Variants in ZDHHC3 observed in about 807,000 individuals in gnomAD.
The protein encoded by ZDHHC3 is zDHHC palmitoyltransferase 3, also known as palmitoyltransferase ZDHHC3.
In ZDHHC3, 9 loss-of-function variants were observed where a neutral mutation model predicts 30.6. The observed-to-expected ratio is 0.29, with a 90% CI of 0.18 to 0.51. The LOEUF (loss-of-function observed/expected upper bound fraction) is 0.51, where lower values mean the gene tolerates loss of function less well. Among genes scored for constraint, ZDHHC3 ranks in the 20% least tolerant of loss-of-function variants. The pLI, the probability that ZDHHC3 is intolerant of heterozygous loss-of-function variation, is 0.97. For missense variants in ZDHHC3, 246 were observed against 384.2 expected (o/e 0.64, Z 3.01); for synonymous variants, 136 against 140.2 (o/e 0.97, Z 0.21).
chr3:44,948,479 A>G (rs1703145498), intron 2 of ZDHHC3, among the ~76,000 whole-genome samples: 2 of 152,152 alleles, frequency 1.3e-5, no homozygotes, highest in Admixed American at 1.3e-4. Context: ...CTCTCTCCTG[A>G]AGGTCTACAC....
chr3:44,931,379 C>T (rs1025104054), intron 5 of ZDHHC3, among the ~76,000 whole-genome samples: 1 of 152,178 alleles, frequency 6.6e-6, no homozygotes, highest in African/African-American at 2.4e-5. Context: ...CATCATTCCT[C>T]TGTAGGCTGG....
At chr3:44,944,527 C>T (rs995591075) in intron 3 of ZDHHC3, among the ~76,000 whole-genome samples, 2 of 152,196 alleles carry the variant, frequency 1.3e-5, no homozygotes, top group Non-Finnish European at 2.9e-5. Flanking sequence ...CAGTGATCCT[C>T]CTGCCTTGGC....
chr3:44,952,085 T>C (rs1703506265), intron 2 of ZDHHC3, among the ~76,000 whole-genome samples: 1 of 152,170 alleles, frequency 6.6e-6, no homozygotes, highest in Non-Finnish European at 1.5e-5. Context: ...GATCTCTCTA[T>C]TTGGCTGTCC....
intron 5 of ZDHHC3, among the ~76,000 whole-genome samples, chr3:44,931,270 G>C (rs1476172978): frequency 6.6e-6 from 1 of 152,210 alleles, no homozygotes; most frequent in Non-Finnish European, 1.5e-5. Flanking sequence ...GGGGGTGCCT[G>C]CTGGACAAAG....
intron 3 of ZDHHC3, 84 bp from the exon 4 acceptor site, chr3:44,934,068 G>A: frequency 7.7e-7 from 1 of 1,304,972 alleles, no homozygotes; most frequent in Non-Finnish European, 1.1e-6. Context: ...CATGGCTCCT[G>A]CTCCACTCCT....
intron 2 of ZDHHC3, among the ~76,000 whole-genome samples, chr3:44,949,997 A>C (rs925688903): frequency 6.6e-6 from 1 of 152,094 alleles, no homozygotes; most frequent in Admixed American, 6.6e-5. Context: ...CACCATGTCC[A>C]GCTAATTACA....
chr3:44,952,850 G>A (rs1263661708), intron 2 of ZDHHC3, among the ~76,000 whole-genome samples: 2 of 152,198 alleles, frequency 1.3e-5, no homozygotes, highest in Admixed American at 6.5e-5. Context: ...TAGCCTTTGT[G>A]CTACCACAGC....
Position 44,922,917 on chromosome 3 carries a change from C to G in ZDHHC3, c.*3772G>C, listed in dbSNP as rs1026892503. ...ATCTAAGGGCACCTTCTAGGTGGGG[C>G]GCCTTCCCCTCTACTGGCTGGCTCA... is the stretch of plus-strand genomic sequence containing the variant. On this transcript the variant is annotated 3_prime_UTR_variant, in exon 7 of 7. Transcript: ENST00000424952. 4 of 985,166 alleles carry G rather than the reference C, an allele frequency of 4.1e-6. No individual in the cohort carries two copies. The South Asian group carries it at 1.9e-4, about 46-fold the overall frequency. The allele number at this position is 985,166 out of a possible 1,614,324, so 61.0% of individuals were successfully genotyped here. A position where few individuals can be genotyped will look rare whatever the true frequency, so the allele number is the denominator to read the frequency against.
chr3:44,976,078 G>T lies in ZDHHC3; in HGVS notation c.-170C>A. 1 of 428,360 alleles carries T rather than the reference G, an allele frequency of 2.3e-6. No individual in the cohort carries two copies. The highest frequency in any genetic ancestry group is 6.1e-4 in the Middle Eastern group (1 of 1,632). 26.5% of individuals were successfully genotyped at this position (428,360 alleles called of 1,614,324 possible). On this transcript the variant is annotated 5_prime_UTR_variant, in exon 1 of 7. Transcript: ENST00000424952. The stretch of plus-strand genomic sequence containing the variant: ...CGGAACGAGGCGCCGCGGCTCTCTG[G>T]ACTCGGCCAGACACCGGGCGGCGCG...
In ZDHHC3 at chr3:44,923,320, C is replaced by G; in HGVS notation, c.*3369G>C. 1.0e-6 allele frequency: 1 copy of G among 981,476 alleles called. No homozygotes were observed. The highest frequency in any genetic ancestry group is 1.2e-6 in the Non-Finnish European group (1 of 826,410). 60.8% of individuals were successfully genotyped at this position (981,476 alleles called of 1,614,324 possible). ...CTCGATCTCTTGACCTCGTGATCTG[C>G]CCGCCTCGGCCTCCCAAAGTGCTGG... On this transcript the variant is annotated 3_prime_UTR_variant, in exon 7 of 7. Transcript: ENST00000424952.
At chr3:44,952,140 C>T (rs1703513055) in intron 2 of ZDHHC3, among the ~76,000 whole-genome samples, 1 of 152,194 alleles carries the variant, frequency 6.6e-6, no homozygotes, top group Non-Finnish European at 1.5e-5. Flanking sequence ...TGCTTTCTCC[C>T]CAAACTGTTC....
At chr3:44,966,973 C>T (rs1402535538) in intron 1 of ZDHHC3, among the ~76,000 whole-genome samples, 2 of 152,144 alleles carry the variant, frequency 1.3e-5, no homozygotes, top group African/African-American at 4.8e-5. Flanking sequence ...AGTGAGCTGG[C>T]CTGTTTTATA....
chr3:44,963,930 G>A (rs148873320), intron 1 of ZDHHC3, among the ~76,000 whole-genome samples: 3 of 152,190 alleles, frequency 2.0e-5, no homozygotes, highest in Non-Finnish European at 4.4e-5. Flanking sequence ...TGTGCAGGGG[G>A]CTCACACACG....
chr3:44,958,473 C>T (rs1219843210), intron 2 of ZDHHC3: 11 of 894,174 alleles, frequency 1.2e-5, no homozygotes, highest in Admixed American at 2.0e-5. Context: ...AGAAAAGGAA[C>T]AGAACAGAGG....
chr3:44,933,370 A>C (rs1701668259), intron 4 of ZDHHC3, 171 bp from the exon 5 acceptor site: 1 of 642,128 alleles, frequency 1.6e-6, no homozygotes, highest in African/African-American at 1.8e-5. Flanking sequence ...CCGTCTACCC[A>C]CCAGCCCTGG....
In ZDHHC3 at chr3:44,917,623, C is replaced by T. The variant is rs938001310; in HGVS notation, c.*9066G>A. The T allele has an allele frequency of 2.4e-5, 7 of 292,722 alleles. No homozygotes were observed. The highest frequency in any genetic ancestry group is 4.4e-5 in the African/African-American group (2 of 45,910). The allele number at this position is 292,722 out of a possible 1,614,324, so 18.1% of individuals were successfully genotyped here. A position where few individuals can be genotyped will look rare whatever the true frequency, so the allele number is the denominator to read the frequency against. On this transcript the variant is annotated 3_prime_UTR_variant, in exon 7 of 7. Transcript: ENST00000424952. ...GTGAAAGCCACCCAGTCTTGGAGAA[C>T]GGTTCTTGATGAGCCGTCTCAGTGC...
chr3:44,921,206 T>C lies in ZDHHC3; in HGVS notation c.*5483A>G, dbSNP rs561005826. The C allele has an allele frequency of 2.7e-5, 26 of 976,690 alleles. No homozygotes were observed. Among genetic ancestry groups the C allele is most frequent in the Middle Eastern group, 1.0e-3 (2 of 1,908 alleles). The allele number at this position is 976,690 out of a possible 1,614,324, so 60.5% of individuals were successfully genotyped here. Reference sequence around the variant, plus strand: ...AAACTCACCAACACTCCAAAATGAATGTATTAGGACTAAGGCTCCCGAGGA... The same window carrying C: ...AAACTCACCAACACTCCAAAATGAACGTATTAGGACTAAGGCTCCCGAGGA... On this transcript the variant is annotated 3_prime_UTR_variant, in exon 7 of 7. Transcript: ENST00000424952.
chr3:44,951,040 A>G (rs1703405620), intron 2 of ZDHHC3, among the ~76,000 whole-genome samples: 1 of 152,228 alleles, frequency 6.6e-6, no homozygotes, highest in Admixed American at 6.5e-5. Flanking sequence ...ATACAGATGA[A>G]AAAGTGGAAA....
chr3:44,946,438 G>A (rs1369072165), intron 2 of ZDHHC3, among the ~76,000 whole-genome samples: 1 of 152,188 alleles, frequency 6.6e-6, no homozygotes, highest in Non-Finnish European at 1.5e-5. Context: ...TTGGTGCTGA[G>A]CCCTGTGCTC....
Sources: allele counts gnomAD v4.1 joint callset (sites outside exome capture counted in the v4.1 genomes callset), GRCh38; gene constraint gnomAD v4.1.1; transcripts MANE v1.5; gene names NCBI Gene and HGNC (gene_info 2026-07-23, HGNC 2026-07-21).